Variants in FCHSD2 observed in about 807,000 individuals in gnomAD.
FCHSD2 encodes the protein FCH and double SH3 domains 2.
A neutral mutation model predicts 108.1 loss-of-function variants in FCHSD2; 38 were observed. The ratio of observed to expected loss-of-function variants is 0.35; its 90% CI spans 0.27 to 0.46. The LOEUF is 0.46. FCHSD2 is among the 20% of genes least tolerant of loss of function. FCHSD2 has a pLI of 1.00. For missense variants in FCHSD2, 751 were observed against 897.8 expected, an observed-to-expected ratio of 0.84 and a Z score of 2.09; for synonymous variants, 279 against 314.7, an observed-to-expected ratio of 0.89 and a Z score of 1.20.
rs112268354 is a variant in FCHSD2, at chr11:73,038,347, G to GAA, written c.166-22464_166-22463dup. On this transcript the variant is annotated intron_variant, in intron 3 of 19. Transcript: ENST00000409418. ...ACAGAGTAAGACCCTGTCTCTTTAAGAAAAAAAAAAAAAAAGGAAAAGAAA... is the reference window on the plus strand; with the variant it reads ...ACAGAGTAAGACCCTGTCTCTTTAAGAAAAAAAAAAAAAAAAAGGAAAAGAAA... 1.9e-4 allele frequency among the ~76,000 whole-genome samples: 19 copies of GAA among 99,314 alleles called. No homozygotes were observed. In the East Asian group the frequency reaches 2.1e-3, roughly 11 times the overall value. The allele number at this position is 99,314 out of a possible 152,430, so 65.2% of individuals were successfully genotyped here. A position where few individuals can be genotyped will look rare whatever the true frequency, so the allele number is the denominator to read the frequency against.
At chr11:73,047,187 AG>A (rs1479457520) in intron 3 of FCHSD2, among the ~76,000 whole-genome samples, 2 of 152,114 alleles carry the variant, frequency 1.3e-5, no homozygotes, top group Non-Finnish European at 2.9e-5. Flanking sequence ...TGAAAAAAAA[AG>A]GCAAATATTT....
intron 2 of FCHSD2, among the ~76,000 whole-genome samples, chr11:73,124,567 C>T (rs1346885578): frequency 6.6e-6 from 1 of 152,004 alleles, no homozygotes; most frequent in Non-Finnish European, 1.5e-5. Context: ...ACCAGCCTGG[C>T]CAACATGGTG....
At chr11:72,852,042 A>C (rs986854016) in intron 13 of FCHSD2, among the ~76,000 whole-genome samples, 2 of 151,800 alleles carry the variant, frequency 1.3e-5, no homozygotes, top group Non-Finnish European at 2.9e-5. Flanking sequence ...ACACCTGGCT[A>C]ATTTTTGTTT....
At chr11:73,015,034 G>C (rs1048719852) in intron 4 of FCHSD2, among the ~76,000 whole-genome samples, 18 of 152,208 alleles carry the variant, frequency 1.2e-4, no homozygotes, top group African/African-American at 3.1e-4. Flanking sequence ...AGTAGAGACA[G>C]GGTTTCACCA....
At chr11:72,984,550 C>T (rs1255269986) in intron 7 of FCHSD2, among the ~76,000 whole-genome samples, 1 of 152,138 alleles carries the variant, frequency 6.6e-6, no homozygotes, top group East Asian at 1.9e-4. Context: ...TGGGTAAAAT[C>T]TAGTGGAGTT....
intron 2 of FCHSD2, among the ~76,000 whole-genome samples, chr11:73,113,184 G>A (rs974949582): frequency 2.6e-5 from 4 of 151,706 alleles, no homozygotes; most frequent in African/African-American, 9.7e-5. Flanking sequence ...TCTTTGCTAA[G>A]CTTATCTGAT....
chr11:72,862,960 T>C (rs1291740565), intron 13 of FCHSD2, among the ~76,000 whole-genome samples: 1 of 152,182 alleles, frequency 6.6e-6, no homozygotes, highest in Admixed American at 6.5e-5. Flanking sequence ...ACTTGCTCTG[T>C]TTCCCAGGTT....
intron 13 of FCHSD2, among the ~76,000 whole-genome samples, chr11:72,864,121 T>G (rs1291646464): frequency 6.6e-6 from 1 of 152,132 alleles, no homozygotes; most frequent in Non-Finnish European, 1.5e-5. Flanking sequence ...TACAACAGAG[T>G]AGACTGGCAG....
intron 3 of FCHSD2, among the ~76,000 whole-genome samples, chr11:73,043,538 C>T (rs1858690421): frequency 6.6e-6 from 1 of 152,138 alleles, no homozygotes; most frequent in South Asian, 2.1e-4. Flanking sequence ...ACCCAATGTA[C>T]ACAGTATAGA....
intron 8 of FCHSD2, among the ~76,000 whole-genome samples, chr11:72,951,056 C>T (rs1856612047): frequency 6.6e-6 from 1 of 152,216 alleles, no homozygotes; most frequent in Non-Finnish European, 1.5e-5. Flanking sequence ...TTTAGCCAGG[C>T]CATGAGAGAA....
At chr11:73,138,604 A>ATTT (rs535753859) in intron 2 of FCHSD2, among the ~76,000 whole-genome samples, 12 of 119,786 alleles carry the variant, frequency 1.0e-4, no homozygotes, top group African/African-American at 2.1e-4. Flanking sequence ...TTGCACAGGA[A>ATTT]TTTTTTTTTT....
intron 8 of FCHSD2, among the ~76,000 whole-genome samples, chr11:72,934,067 C>T (rs921167811): frequency 2.1e-5 from 3 of 141,322 alleles, no homozygotes; most frequent in Non-Finnish European, 3.0e-5. Flanking sequence ...CATGATCGCG[C>T]CACTACACTC....
At chr11:73,064,265 T>A (rs1441383622) in intron 3 of FCHSD2, among the ~76,000 whole-genome samples, 2 of 152,034 alleles carry the variant, frequency 1.3e-5, no homozygotes, top group African/African-American at 4.8e-5. Context: ...CGTGCCAGAA[T>A]CTCTGGGACA....
intron 9 of FCHSD2, among the ~76,000 whole-genome samples, chr11:72,911,721 A>T (rs544913461): frequency 6.6e-6 from 1 of 152,118 alleles, no homozygotes; most frequent in Non-Finnish European, 1.5e-5. Flanking sequence ...ACATGTGCAC[A>T]ATGTGCAGGT....
intron 1 of FCHSD2, 85 bp from the exon 2 acceptor site, chr11:73,140,213 T>C (rs554942283): frequency 1.3e-5 from 9 of 675,740 alleles, no homozygotes; most frequent in East Asian, 1.1e-4. Flanking sequence ...TGTCAGAATA[T>C]GTCTCTTGCT....
rs572577020 is a variant in FCHSD2, at chr11:72,910,389, G to A, written c.829-7751C>T. Among the ~76,000 whole-genome samples the A allele has an allele frequency of 2.0e-5, 3 of 152,280 alleles. No homozygotes were observed. The East Asian group carries it at 5.8e-4, about 29-fold the overall frequency. Reference sequence around the variant, plus strand: ...GATGGCGGTTTTGTCGAAAAGAAAAGGGGGAAATGTGGGGAAAAGAGAGAT... The same window carrying A: ...GATGGCGGTTTTGTCGAAAAGAAAAAGGGGAAATGTGGGGAAAAGAGAGAT... On this transcript the variant is annotated intron_variant, in intron 9 of 19. Transcript: ENST00000409418.
At chr11:73,108,895 T>C (rs1259755563) in intron 2 of FCHSD2, among the ~76,000 whole-genome samples, 1 of 152,246 alleles carries the variant, frequency 6.6e-6, no homozygotes, top group African/African-American at 2.4e-5. Flanking sequence ...TAACACAATT[T>C]GATTTGGTTT....
At chr11:73,015,677 G>T in intron 4 of FCHSD2, 132 bp downstream of exon 4, 1 of 507,402 alleles carries the variant, frequency 2.0e-6, no homozygotes, top group South Asian at 3.7e-5. Context: ...TGATAATTTT[G>T]AAATTATATC....
chr11:72,845,654 T>C (rs1861112396), intron 14 of FCHSD2, among the ~76,000 whole-genome samples: 2 of 152,140 alleles, frequency 1.3e-5, no homozygotes, highest in African/African-American at 2.4e-5. Context: ...TGTGGGCCTC[T>C]TGACGCTTTG....
Sources: allele counts gnomAD v4.1 joint callset (sites outside exome capture counted in the v4.1 genomes callset), GRCh38; gene constraint gnomAD v4.1.1; transcripts MANE v1.5; gene names NCBI Gene and HGNC (gene_info 2026-07-23, HGNC 2026-07-21).